The following DDX60 variants were observed in gnomAD, a reference collection of about 807,000 sequenced individuals.
DDX60 encodes probable ATP-dependent RNA helicase DDX60.
In DDX60, 165 loss-of-function variants were observed where a neutral mutation model predicts 212.8. The ratio of observed to expected loss-of-function variants is 0.78; its 90% confidence interval spans 0.68 to 0.88. The LOEUF (loss-of-function observed/expected upper bound fraction) is 0.88, where lower values mean the gene tolerates loss of function less well. Ranked by LOEUF, DDX60 falls within the 40% of genes least tolerant of loss-of-function variation. The pLI is 0.00. For synonymous variants in DDX60, 703 were observed against 685.3 expected (o/e 1.03, Z -0.40); for missense variants, 1,905 against 2,003.9 (o/e 0.95, Z 0.94).
intron 9 of DDX60, among the ~76,000 whole-genome samples, 159 bp downstream of exon 9, chr4:168,288,015 C>T (rs1735935062): frequency 6.6e-6 from 1 of 151,986 alleles, no homozygotes; most frequent in East Asian, 1.9e-4. Flanking sequence ...ACAGCATTCC[C>T]TCTAATTGCA....
At chr4:168,302,620 C>T (rs1254418513) in intron 5 of DDX60, among the ~76,000 whole-genome samples, 3 of 152,050 alleles carry the variant, frequency 2.0e-5, no homozygotes. Flanking sequence ...AGGAATATAG[C>T]GTATTTTGTT....
intron 34 of DDX60, among the ~76,000 whole-genome samples, chr4:168,225,124 T>A (rs898468366): frequency 1.3e-5 from 2 of 152,094 alleles, no homozygotes; most frequent in African/African-American, 4.8e-5. Flanking sequence ...ATGGAGTCTC[T>A]TGCTCAAGAT....
chr4:168,242,689 A>G (rs1280502445), intron 30 of DDX60, among the ~76,000 whole-genome samples: 1 of 152,180 alleles, frequency 6.6e-6, no homozygotes, highest in Non-Finnish European at 1.5e-5. Flanking sequence ...TTACTAGCTC[A>G]TAGGTAAAAG....
intron 30 of DDX60, among the ~76,000 whole-genome samples, chr4:168,238,418 GGGAGGGAAGGGA>G (rs1209221669): frequency 0.013 from 1,442 of 112,990 alleles, 51 homozygotes; most frequent in African/African-American, 0.046. Flanking sequence ...GGGAGGAGAG[GGGAGGGAAGGGA>G]AGGGAAGGGA....
intron 16 of DDX60, 75 bp downstream of exon 16, chr4:168,275,270 C>T (rs1369195188): frequency 7.7e-7 from 1 of 1,305,414 alleles, no homozygotes. Flanking sequence ...ACATGTACAG[C>T]CACAATAATG....
chr4:168,277,062 A>T (rs1735372419), intron 14 of DDX60, among the ~76,000 whole-genome samples: 1 of 152,250 alleles, frequency 6.6e-6, no homozygotes, highest in African/African-American at 2.4e-5. Flanking sequence ...TTTGCTCAGA[A>T]GAACTGTCAG....
intron 26 of DDX60, among the ~76,000 whole-genome samples, chr4:168,255,162 A>T (rs138207312): frequency 3.2e-4 from 48 of 152,286 alleles, no homozygotes; most frequent in Non-Finnish European, 6.0e-4. Context: ...GATCATAGAG[A>T]GGGGATAAAC....
At chr4:168,275,915 A>T (rs1735314956) in intron 15 of DDX60, 100 bp downstream of exon 15, 2 of 868,012 alleles carry the variant, frequency 2.3e-6, no homozygotes, top group Non-Finnish European at 3.0e-6. Context: ...TTTTCAGTAA[A>T]AAAAAAAAAA....
intron 11 of DDX60, 107 bp from the exon 12 acceptor site, chr4:168,285,042 C>T (rs1735760569): frequency 8.3e-6 from 5 of 603,238 alleles, no homozygotes; most frequent in Non-Finnish European, 1.4e-5. Flanking sequence ...CTTCTTCTTT[C>T]TGCAATATGA....
chr4:168,234,614 T>C (rs1179747346), intron 33 of DDX60, among the ~76,000 whole-genome samples: 2 of 152,096 alleles, frequency 1.3e-5, no homozygotes, highest in African/African-American at 2.4e-5. Flanking sequence ...ATCACACTTA[T>C]AATCCTTATA....
chr4:168,286,423 G>T (rs78216251), intron 10 of DDX60, among the ~76,000 whole-genome samples: 1 of 136,828 alleles, frequency 7.3e-6, no homozygotes. Flanking sequence ...CACACCACAC[G>T]AGATAGATAG....
At chr4:168,239,671 G>A (rs77652462) in intron 30 of DDX60, among the ~76,000 whole-genome samples, 4,698 of 152,056 alleles carry the variant, frequency 0.031, 227 homozygotes, top group African/African-American at 0.11. Context: ...TCTCAGGGAC[G>A]ATCTTAGAAG....
chr4:168,290,333 T>C lies in DDX60; in HGVS notation c.1041+1415A>G, dbSNP rs533136262. Among the ~76,000 whole-genome samples the C allele has an allele frequency of 8.5e-4, 125 of 147,646 alleles. No individual in the cohort carries two copies. In the East Asian group the frequency reaches 0.015, roughly 18 times the overall value. Reference sequence around the variant, plus strand: ...TTTCTGTTTTCTTTTCTTTTCTTTTTTTTTTTTTTTTTTGAGACGGAGCCT... The same window carrying C: ...TTTCTGTTTTCTTTTCTTTTCTTTTCTTTTTTTTTTTTTGAGACGGAGCCT... On this transcript the variant is annotated intron_variant, in intron 8 of 37. Coordinates refer to ENST00000393743, the MANE Select transcript of DDX60 (RefSeq NM_017631.6).
chr4:168,232,740 C>T (rs764924136), intron 33 of DDX60, among the ~76,000 whole-genome samples: 2 of 151,994 alleles, frequency 1.3e-5, no homozygotes, highest in Non-Finnish European at 2.9e-5. Context: ...ATTCTAAGAC[C>T]TGAAAGCATA....
chr4:168,304,012 T>C (rs973067515), intron 5 of DDX60, among the ~76,000 whole-genome samples: 1 of 152,096 alleles, frequency 6.6e-6, no homozygotes, highest in East Asian at 1.9e-4. Flanking sequence ...AAGTACAGCA[T>C]ATACAATTAT....
intron 6 of DDX60, among the ~76,000 whole-genome samples, chr4:168,297,903 T>C (rs1399743924): frequency 1.3e-5 from 2 of 151,274 alleles, no homozygotes; most frequent in Admixed American, 1.3e-4. Flanking sequence ...TGAAAAATAA[T>C]AAATAATAAA....
At chr4:168,218,293 C>T (rs1346328970) in intron 37 of DDX60, among the ~76,000 whole-genome samples, 1 of 152,132 alleles carries the variant, frequency 6.6e-6, no homozygotes, top group Non-Finnish European at 1.5e-5. Flanking sequence ...TAAATTCTAG[C>T]TCACTATTTT....
chr4:168,284,083 C>T (rs1735712453), intron 12 of DDX60, among the ~76,000 whole-genome samples: 1 of 152,094 alleles, frequency 6.6e-6, no homozygotes, highest in Non-Finnish European at 1.5e-5. Context: ...TGCCTTACTC[C>T]CTTATCTCCA....
chr4:168,220,564 T>A (rs866634995), intron 37 of DDX60, 91 bp downstream of exon 37: 1 of 733,880 alleles, frequency 1.4e-6, no homozygotes, highest in Non-Finnish European at 2.2e-6. Context: ...GGCACCTTCA[T>A]GTACCTGGCT....
Sources: gnomAD v4.1 joint callset for allele counts (sites outside exome capture counted in the v4.1 genomes callset) on GRCh38, gnomAD v4.1.1 for gene constraint, MANE v1.5 for transcripts, NCBI Gene and HGNC (gene_info 2026-07-23, HGNC 2026-07-21) for gene names.